TMEM182: variants seen among roughly 807,000 people sequenced by gnomAD.
TMEM182 encodes the protein transmembrane protein 182.
Under a neutral mutation model 26.8 loss-of-function variants are expected in TMEM182, and 20 were observed. The observed-to-expected ratio is 0.75, with a 90% CI of 0.53 to 1.09. TMEM182 has a LOEUF of 1.09. TMEM182 is among the 50% of genes least tolerant of loss of function. TMEM182 has a pLI of 0.00. For synonymous variants in TMEM182, 109 were observed against 102.2 expected, an observed-to-expected ratio of 1.07 and a Z score of -0.40; for missense variants, 277 against 275.5, an observed-to-expected ratio of 1.01 and a Z score of -0.04.
intron 4 of TMEM182, among the ~76,000 whole-genome samples, chr2:102,810,686 G>A (rs1051515352): frequency 6.6e-6 from 1 of 151,934 alleles, no homozygotes; most frequent in Non-Finnish European, 1.5e-5. Flanking sequence ...TTCGGGGCTG[G>A]GTTTTGATTC....
chr2:102,807,006 C>A (rs926341115), intron 4 of TMEM182, among the ~76,000 whole-genome samples: 20 of 152,298 alleles, frequency 1.3e-4, no homozygotes, highest in African/African-American at 4.6e-4. Flanking sequence ...TCAGATTAAA[C>A]CCCTAATTAC....
chr2:102,791,463 G>A (rs1211008265), intron 3 of TMEM182, among the ~76,000 whole-genome samples: 1 of 152,160 alleles, frequency 6.6e-6, no homozygotes, highest in African/African-American at 2.4e-5. Context: ...ATCTGTTTGG[G>A]AAAATAAACT....
Position 102,815,904 on chromosome 2 carries a change from AG to A in TMEM182, c.*937del. On this transcript the variant is annotated 3_prime_UTR_variant, in exon 5 of 5. Transcript: ENST00000412401. ...CGTACTTCCATATGAGGATTATAAT[AG>A]CCCTGCTTTATTAAAGACCATAAAA... 1.1e-6 allele frequency: 1 copy of A among 949,774 alleles called. No homozygotes were observed. The highest frequency in any genetic ancestry group is 4.9e-5 in the South Asian group (1 of 20,346). 58.8% of individuals were successfully genotyped at this position (949,774 alleles called of 1,614,324 possible). A position where few individuals can be genotyped will look rare whatever the true frequency, so the allele number is the denominator to read the frequency against.
At chr2:102,800,007 A>G (rs1295237392) in intron 4 of TMEM182, among the ~76,000 whole-genome samples, 2 of 151,870 alleles carry the variant, frequency 1.3e-5, no homozygotes, top group Non-Finnish European at 2.9e-5. Flanking sequence ...GAGCCCCAAC[A>G]GTTTAAAGAG....
At chr2:102,795,773 C>T (rs1255121722) in intron 3 of TMEM182, among the ~76,000 whole-genome samples, 1 of 152,106 alleles carries the variant, frequency 6.6e-6, no homozygotes, top group East Asian at 1.9e-4. Context: ...CCCTCTGGCT[C>T]CTCGGACTCT....
chr2:102,796,896 T>C (rs988705397), intron 3 of TMEM182, among the ~76,000 whole-genome samples: 1 of 152,240 alleles, frequency 6.6e-6, no homozygotes, highest in Non-Finnish European at 1.5e-5. Flanking sequence ...AATATTCTTT[T>C]CCTTCTTATC....
chr2:102,792,041 TACACACACACACACACACAC>T (rs34305726), intron 3 of TMEM182, among the ~76,000 whole-genome samples: 3 of 147,104 alleles, frequency 2.0e-5, no homozygotes, highest in Non-Finnish European at 3.0e-5. Flanking sequence ...TATGTGTGTA[TACACACACACACACACACAC>T]ACACACACAC....
intron 4 of TMEM182, among the ~76,000 whole-genome samples, chr2:102,799,175 G>C (rs1682007045): frequency 1.3e-5 from 2 of 152,224 alleles, no homozygotes; most frequent in Admixed American, 1.3e-4. Context: ...CAGAGTGACA[G>C]AGTGCTCCTA....
At chr2:102,824,712 A>G (rs2104770103) in intron 3 of TMEM182, among the ~76,000 whole-genome samples, 1 of 152,284 alleles carries the variant, frequency 6.6e-6, no homozygotes, top group East Asian at 1.9e-4. Flanking sequence ...TTTGTAGTCC[A>G]GCTATTCAGG....
intron 4 of TMEM182, among the ~76,000 whole-genome samples, chr2:102,805,725 G>A (rs554128936): frequency 6.6e-6 from 1 of 152,126 alleles, no homozygotes; most frequent in East Asian, 1.9e-4. Context: ...CCTGAAAGAC[G>A]GTTTTCAGAT....
intron 3 of TMEM182, among the ~76,000 whole-genome samples, chr2:102,771,503 G>T (rs940988626): frequency 6.6e-6 from 1 of 152,160 alleles, no homozygotes. Flanking sequence ...CCTTTTTTCA[G>T]AGAGTGCCAT....
At chr2:102,763,478 A>G (rs1316281537) in intron 2 of TMEM182, among the ~76,000 whole-genome samples, 1 of 152,230 alleles carries the variant, frequency 6.6e-6, no homozygotes, top group African/African-American at 2.4e-5. Context: ...TATGGTATTT[A>G]CATAATAGTC....
chr2:102,738,670 T>G (rs1168831894), intron 1 of TMEM182, among the ~76,000 whole-genome samples: 2 of 152,120 alleles, frequency 1.3e-5, no homozygotes, highest in African/African-American at 4.8e-5. Context: ...GGGAGAGATT[T>G]CTAAGGGTGT....
At chr2:102,751,655 C>A (rs893515843) in intron 1 of TMEM182, among the ~76,000 whole-genome samples, 8 of 152,098 alleles carry the variant, frequency 5.3e-5, no homozygotes, top group African/African-American at 1.9e-4. Flanking sequence ...TACATAACTT[C>A]TTCTTAACTC....
intron 1 of TMEM182, among the ~76,000 whole-genome samples, chr2:102,743,032 T>G (rs183608034): frequency 9.8e-5 from 15 of 152,300 alleles, no homozygotes; most frequent in African/African-American, 3.6e-4. Context: ...ATTTTTCTTA[T>G]TATTAATTGA....
intron 4 of TMEM182, among the ~76,000 whole-genome samples, chr2:102,800,085 A>G (rs1409882588): frequency 6.6e-6 from 1 of 152,108 alleles, no homozygotes; most frequent in Non-Finnish European, 1.5e-5. Flanking sequence ...TTTTATTTGA[A>G]CTGTTTTCTT....
chr2:102,771,618 G>A (rs1680678850), intron 3 of TMEM182, among the ~76,000 whole-genome samples: 1 of 152,126 alleles, frequency 6.6e-6, no homozygotes, highest in African/African-American at 2.4e-5. Context: ...AACAAGACCT[G>A]TGATTATCCC....
intron 3 of TMEM182, among the ~76,000 whole-genome samples, chr2:102,782,660 T>C (rs1264327766): frequency 6.6e-6 from 1 of 152,128 alleles, no homozygotes; most frequent in Non-Finnish European, 1.5e-5. Context: ...CTGCCTCCAT[T>C]TCCATAACTT....
intron 3 of TMEM182, among the ~76,000 whole-genome samples, chr2:102,777,928 ATAT>A (rs1680992364): frequency 6.6e-6 from 1 of 151,902 alleles, no homozygotes; most frequent in African/African-American, 2.4e-5. Flanking sequence ...ACAGCTTGGG[ATAT>A]GATCAGTATT....
Sources: gnomAD v4.1 joint callset for allele counts (sites outside exome capture counted in the v4.1 genomes callset) on GRCh38, gnomAD v4.1.1 for gene constraint, MANE v1.5 for transcripts, NCBI Gene and HGNC (gene_info 2026-07-23, HGNC 2026-07-21) for gene names.